The following MYRIP variants were observed in gnomAD, a reference collection of about 807,000 sequenced individuals.
The protein encoded by MYRIP is myosin VIIA and Rab interacting protein.
In MYRIP, 49 loss-of-function variants were observed where a neutral mutation model predicts 98.0. The ratio of observed to expected loss-of-function variants is 0.50; its 90% CI spans 0.40 to 0.63. The LOEUF is 0.63. Ranked by LOEUF, MYRIP falls within the 30% of genes least tolerant of loss-of-function variation. MYRIP has a pLI of 0.00. For synonymous variants in MYRIP, 404 were observed against 409.5 expected, an observed-to-expected ratio of 0.99 and a Z score of 0.16; for missense variants, 1,004 against 1,058.2, an observed-to-expected ratio of 0.95 and a Z score of 0.71.
chr3:40,190,088 C>T lies in MYRIP; in HGVS notation c.1290C>T (p.Ser430=). ...AGCCTCAGCCCACACAGGCCCAGAG[C>T]TCTGACCAAGGCCCCATAGCTGCCT... ...NPQPQPTQAQ[S]SDQGPIAASP... is the part of the protein sequence containing the mutation. The change falls in exon 10 of 17, where the codon AGC becomes AGT. Residue 430 remains serine, a synonymous_variant. Coordinates refer to ENST00000302541, the MANE Select transcript of MYRIP (RefSeq NM_015460.4). 1 of 1,614,008 alleles carries T rather than the reference C, an allele frequency of 6.2e-7. No homozygotes were observed. Among genetic ancestry groups the T allele is most frequent in the Non-Finnish European group, 8.5e-7 (1 of 1,179,948 alleles).
chr3:40,227,328 C>G (rs1218979555), intron 11 of MYRIP, among the ~76,000 whole-genome samples: 2 of 152,082 alleles, frequency 1.3e-5, no homozygotes, highest in Non-Finnish European at 2.9e-5. Context: ...TTGGTCTGCT[C>G]CCAGTAAAGG....
chr3:40,094,987 C>T (rs969843001), intron 3 of MYRIP, among the ~76,000 whole-genome samples: 3 of 152,162 alleles, frequency 2.0e-5, no homozygotes, highest in African/African-American at 4.8e-5. Flanking sequence ...ATGGCTAACA[C>T]GAGTCTGATG....
At chr3:39,907,853 C>T (rs1943918145) in intron 2 of MYRIP, among the ~76,000 whole-genome samples, 2 of 152,128 alleles carry the variant, frequency 1.3e-5, no homozygotes, top group Admixed American at 1.3e-4. Flanking sequence ...CATTGGGCCT[C>T]TCAGGTAGTA....
chr3:40,095,463 A>T (rs1420355242), intron 3 of MYRIP, among the ~76,000 whole-genome samples: 1 of 152,130 alleles, frequency 6.6e-6, no homozygotes. Flanking sequence ...CCCTGAAAAG[A>T]GGGGCAGGAC....
At chr3:40,198,940 G>A (rs1040608368) in intron 10 of MYRIP, among the ~76,000 whole-genome samples, 7 of 152,064 alleles carry the variant, frequency 4.6e-5, no homozygotes, top group Admixed American at 6.6e-5. Flanking sequence ...AAAACATAAC[G>A]ATGAAAAGGA....
At position 39,862,577 on chromosome 3, in the gene MYRIP, A is replaced by T. The variant is rs577351086; in HGVS notation, c.-30-38210A>T. On this transcript the variant is annotated intron_variant, in intron 1 of 16. Coordinates refer to ENST00000302541, the MANE Select transcript of MYRIP (RefSeq NM_015460.4). ...GCATTTTGTAATGATAAAGGGCTCC[A>T]TTCAACAAGAAGACCTAACTATCCT... 1.4e-4 allele frequency among the ~76,000 whole-genome samples: 21 copies of T among 152,370 alleles called. 1 individual carries two copies. In the Middle Eastern group the frequency reaches 0.017, roughly 123 times the overall value.
At chr3:39,958,660 A>T (rs1403101413) in intron 2 of MYRIP, among the ~76,000 whole-genome samples, 2 of 151,972 alleles carry the variant, frequency 1.3e-5, no homozygotes, top group South Asian at 2.1e-4. Flanking sequence ...AATGGCAACA[A>T]AAGCCAAAAT....
intron 2 of MYRIP, among the ~76,000 whole-genome samples, chr3:39,963,202 G>A (rs1945365983): frequency 6.6e-6 from 1 of 152,120 alleles, no homozygotes; most frequent in Non-Finnish European, 1.5e-5. Context: ...ATGCTTACCT[G>A]ATTTGGCAGC....
intron 3 of MYRIP, among the ~76,000 whole-genome samples, chr3:40,110,047 C>T (rs1395650861): frequency 6.6e-6 from 1 of 152,134 alleles, no homozygotes. Flanking sequence ...AACTGACTGC[C>T]TGATGCCCAC....
intron 2 of MYRIP, among the ~76,000 whole-genome samples, chr3:40,006,233 G>A (rs1410847789): frequency 6.6e-6 from 1 of 152,180 alleles, no homozygotes; most frequent in African/African-American, 2.4e-5. Context: ...TTTCATTCAG[G>A]AAAGGTCCTT....
At chr3:39,892,056 T>G (rs1018316948) in intron 1 of MYRIP, among the ~76,000 whole-genome samples, 4 of 152,102 alleles carry the variant, frequency 2.6e-5, no homozygotes, top group African/African-American at 9.7e-5. Context: ...GCTTCTTCTA[T>G]CCTAAAGTTA....
chr3:39,828,283 T>C (rs1179743589), intron 1 of MYRIP, among the ~76,000 whole-genome samples: 1 of 152,060 alleles, frequency 6.6e-6, no homozygotes, highest in African/African-American at 2.4e-5. Context: ...CCTTTTAAAT[T>C]CTTTTCTCTC....
intron 3 of MYRIP, among the ~76,000 whole-genome samples, chr3:40,079,328 G>A (rs977286838): frequency 6.6e-6 from 1 of 152,178 alleles, no homozygotes; most frequent in African/African-American, 2.4e-5. Flanking sequence ...TTCACTAACA[G>A]ACAAGCCATC....
chr3:40,040,994 G>T (rs76059921), intron 2 of MYRIP, among the ~76,000 whole-genome samples: 2 of 8,258 alleles, frequency 2.4e-4, no homozygotes, highest in Admixed American at 1.7e-3. Flanking sequence ...AAAAAAAAAA[G>T]AAAAAAAAAA....
At chr3:40,194,933 C>T (rs1222228554) in intron 10 of MYRIP, among the ~76,000 whole-genome samples, 2 of 152,018 alleles carry the variant, frequency 1.3e-5, no homozygotes, top group African/African-American at 4.8e-5. Flanking sequence ...CTTCTCAGTT[C>T]CAGTAGTATT....
rs574677362 is a variant in MYRIP at position 40,124,177 on chromosome 3, G to T, written c.333-26871G>T. Among the ~76,000 whole-genome samples the T allele has an allele frequency of 1.2e-3, 181 of 152,256 alleles. 3 individuals carry two copies. In the South Asian group the frequency reaches 0.035, roughly 30 times the overall value. On this transcript the variant is annotated intron_variant, in intron 3 of 16. Transcript: ENST00000302541. ...ACCTCTCAGAGGGAAGTGTAGCAAA[G>T]AATTTGTGGCCATCTTCTATCTGCC...
chr3:40,237,809 C>T (rs191239258), intron 12 of MYRIP, among the ~76,000 whole-genome samples: 17 of 152,096 alleles, frequency 1.1e-4, no homozygotes, highest in Non-Finnish European at 2.4e-4. Flanking sequence ...AAGTATGGTA[C>T]CAAAAAACAG....
intron 2 of MYRIP, among the ~76,000 whole-genome samples, chr3:40,007,072 A>G (rs1318371034): frequency 3.3e-5 from 5 of 152,192 alleles, no homozygotes. Context: ...CTGGGGGGAA[A>G]TGTCTTTACT....
At chr3:40,016,843 T>G (rs986882422) in intron 2 of MYRIP, among the ~76,000 whole-genome samples, 2 of 152,228 alleles carry the variant, frequency 1.3e-5, no homozygotes, top group African/African-American at 4.8e-5. Context: ...CAGATTGCCA[T>G]ATATCATGGC....
Sources: allele counts gnomAD v4.1 joint callset (sites outside exome capture counted in the v4.1 genomes callset), GRCh38; gene constraint gnomAD v4.1.1; transcripts MANE v1.5; gene names NCBI Gene and HGNC (gene_info 2026-07-23, HGNC 2026-07-21).